ST8SIA2: variants seen among roughly 807,000 people sequenced by gnomAD.
The protein encoded by ST8SIA2 is ST8 alpha-N-acetyl-neuraminide alpha-2,8-sialyltransferase 2, also known as alpha-2,8-sialyltransferase 8B.
ST8SIA2 carries 22 observed loss-of-function variants against 37.6 expected under a neutral mutation model. That is an observed-to-expected ratio of 0.58 (90% CI 0.42 to 0.83). The LOEUF is 0.83. ST8SIA2 is among the 40% of genes least tolerant of loss of function. The probability of loss-of-function intolerance (pLI) is 0.00; values close to 1 mark genes in which losing one functional copy is unlikely to be tolerated. For missense variants in ST8SIA2, 382 were observed against 484.7 expected, an observed-to-expected ratio of 0.79 and a Z score of 1.99; for synonymous variants, 205 against 201.2, an observed-to-expected ratio of 1.02 and a Z score of -0.16.
At chr15:92,418,890 G>T (rs548747234) in intron 1 of ST8SIA2, among the ~76,000 whole-genome samples, 1 of 152,134 alleles carries the variant, frequency 6.6e-6, no homozygotes, top group Admixed American at 6.5e-5. Flanking sequence ...AGGGGATGAC[G>T]TAAAATAAAG....
intron 5 of ST8SIA2, among the ~76,000 whole-genome samples, chr15:92,458,752 A>T (rs1487759235): frequency 6.6e-6 from 1 of 152,166 alleles, no homozygotes; most frequent in Non-Finnish European, 1.5e-5. Context: ...CTGCCCAGAG[A>T]CAGGGCAAAA....
intron 2 of ST8SIA2, among the ~76,000 whole-genome samples, chr15:92,431,896 G>GA (rs1269871470): frequency 6.6e-6 from 1 of 152,172 alleles, no homozygotes; most frequent in African/African-American, 2.4e-5. Flanking sequence ...ATTCACCCTG[G>GA]AAAGTGGAGA....
At chr15:92,423,747 G>GC (rs2049654256) in intron 1 of ST8SIA2, among the ~76,000 whole-genome samples, 1 of 152,228 alleles carries the variant, frequency 6.6e-6, no homozygotes, top group African/African-American at 2.4e-5. Context: ...CTGCCATTAG[G>GC]CCCCACCTCC....
chr15:92,454,339 T>A (rs1176104526), intron 5 of ST8SIA2, among the ~76,000 whole-genome samples: 1 of 152,010 alleles, frequency 6.6e-6, no homozygotes, highest in Non-Finnish European at 1.5e-5. Context: ...AGGACATCAG[T>A]CATATTGGAT....
intron 1 of ST8SIA2, among the ~76,000 whole-genome samples, chr15:92,428,450 T>C (rs1481873402): frequency 6.6e-6 from 1 of 152,224 alleles, no homozygotes; most frequent in East Asian, 1.9e-4. Context: ...ACTTAATGTC[T>C]GGCCAAGCAG....
intron 1 of ST8SIA2, among the ~76,000 whole-genome samples, chr15:92,395,292 C>A (rs906275182): frequency 6.6e-6 from 1 of 152,230 alleles, no homozygotes; most frequent in East Asian, 1.9e-4. Flanking sequence ...GCCGCGTGCG[C>A]CCCTCCTTTG....
chr15:92,394,119 T>C lies in ST8SIA2; in HGVS notation c.55T>C (p.Phe19Leu), dbSNP rs1222671590. 4 of 1,560,662 alleles carry C rather than the reference T, an allele frequency of 2.6e-6. No homozygotes were observed. In the East Asian group the frequency reaches 9.5e-5, roughly 37 times the overall value. The change falls in exon 1 of 6, where the codon TTC becomes CTC. Residue 19 changes from phenylalanine to leucine, a missense_variant. By Grantham distance (22) the Phe-to-Leu change is conservative. Coordinates refer to ENST00000268164, the MANE Select transcript of ST8SIA2 (RefSeq NM_006011.4). ...MLAALTLLVV[F>L]LIFADISEIE... is the part of the protein sequence containing the mutation. ...GGCCGCGCTCACGCTGCTCGTGGTC[T>C]TCCTCATCTTCGCAGACATCTCAGA...
At chr15:92,437,251 C>G (rs1476649414) in intron 3 of ST8SIA2, among the ~76,000 whole-genome samples, 1 of 152,194 alleles carries the variant, frequency 6.6e-6, no homozygotes, top group Non-Finnish European at 1.5e-5. Context: ...CAATTCCTTT[C>G]TCTTTATGAC....
At chr15:92,429,178 C>T (rs2049696970) in intron 1 of ST8SIA2, among the ~76,000 whole-genome samples, 1 of 152,098 alleles carries the variant, frequency 6.6e-6, no homozygotes, top group Admixed American at 6.5e-5. Context: ...AGAAAAGCAC[C>T]CAGTACCTCC....
At chr15:92,447,408 A>G (rs147323492) in intron 5 of ST8SIA2, among the ~76,000 whole-genome samples, 4 of 152,226 alleles carry the variant, frequency 2.6e-5, no homozygotes. Flanking sequence ...GCCTGTTACA[A>G]ATGTATATCC....
intron 1 of ST8SIA2, among the ~76,000 whole-genome samples, chr15:92,423,586 A>G (rs1265738596): frequency 2.6e-5 from 4 of 152,256 alleles, no homozygotes; most frequent in African/African-American, 9.6e-5. Context: ...TTTGCTTGCA[A>G]GATGGCACGT....
chr15:92,395,012 G>C (rs781158033), intron 1 of ST8SIA2, among the ~76,000 whole-genome samples: 1 of 152,124 alleles, frequency 6.6e-6, no homozygotes, highest in Non-Finnish European at 1.5e-5. Context: ...ACTTCCTGGA[G>C]TGCGCACTTG....
intron 1 of ST8SIA2, among the ~76,000 whole-genome samples, chr15:92,417,133 A>G (rs574299068): frequency 5.3e-5 from 8 of 152,286 alleles, no homozygotes; most frequent in African/African-American, 1.9e-4. Flanking sequence ...AGGAACCCCA[A>G]TTGACAGAGG....
chr15:92,405,929 G>T (rs372636099), intron 1 of ST8SIA2, among the ~76,000 whole-genome samples: 22 of 152,268 alleles, frequency 1.4e-4, no homozygotes, highest in Non-Finnish European at 3.1e-4. Context: ...AGTGATGGGG[G>T]AGAGAGGCCA....
chr15:92,450,328 C>G (rs2141843610), intron 5 of ST8SIA2, among the ~76,000 whole-genome samples: 1 of 152,170 alleles, frequency 6.6e-6, no homozygotes, highest in Middle Eastern at 3.4e-3. Flanking sequence ...ATACAAATGG[C>G]CAATAAGTAC....
intron 1 of ST8SIA2, among the ~76,000 whole-genome samples, chr15:92,406,913 G>A (rs758478221): frequency 8.0e-5 from 12 of 149,466 alleles, no homozygotes; most frequent in Non-Finnish European, 1.8e-4. Flanking sequence ...AGGATCACTT[G>A]AACCTGGGAG....
intron 5 of ST8SIA2, among the ~76,000 whole-genome samples, chr15:92,458,165 G>A (rs897858634): frequency 2.6e-5 from 4 of 152,126 alleles, no homozygotes; most frequent in South Asian, 2.1e-4. Flanking sequence ...TCACTCACTC[G>A]CAAACTGTGA....
At chr15:92,428,786 T>G (rs2049694565) in intron 1 of ST8SIA2, among the ~76,000 whole-genome samples, 1 of 152,228 alleles carries the variant, frequency 6.6e-6, no homozygotes, top group African/African-American at 2.4e-5. Flanking sequence ...TCTGGAACCT[T>G]AAGGGAGAAC....
rs544085648 is a variant in ST8SIA2 at position 92,449,326 on chromosome 15, G to C, written c.842+4397G>C. On this transcript the variant is annotated intron_variant, in intron 5 of 5. Transcript: ENST00000268164. ...ATTAGATCATCAGGGACAGTTACTT[G>C]TGAATGGGTATTGTTTATACACCAT... Among the ~76,000 whole-genome samples the C allele has an allele frequency of 1.2e-3, 176 of 152,292 alleles. 3 individuals are homozygous for C. The highest frequency in any genetic ancestry group is 4.1e-3 in the African/African-American group (172 of 41,568).
Sources: gnomAD v4.1 joint callset for allele counts (sites outside exome capture counted in the v4.1 genomes callset) on GRCh38, gnomAD v4.1.1 for gene constraint, MANE v1.5 for transcripts, NCBI Gene and HGNC (gene_info 2026-07-23, HGNC 2026-07-21) for gene names.